Variants in SPATS2 observed in about 807,000 individuals in gnomAD.
SPATS2 encodes the protein spermatogenesis associated serine rich 2.
In SPATS2, 38 loss-of-function variants were observed where a neutral mutation model predicts 63.7. The ratio of observed to expected loss-of-function variants is 0.60; its 90% CI spans 0.46 to 0.78. The LOEUF is 0.78. SPATS2 is among the 30% of genes least tolerant of loss of function. The pLI is 0.00. For synonymous variants in SPATS2, 207 were observed against 232.9 expected, an observed-to-expected ratio of 0.89 and a Z score of 1.01; for missense variants, 588 against 666.2, an observed-to-expected ratio of 0.88 and a Z score of 1.29.
intron 4 of SPATS2, 123 bp downstream of exon 4, chr12:49,484,792 A>G: frequency 2.5e-6 from 2 of 788,398 alleles, no homozygotes; most frequent in Non-Finnish European, 4.1e-6. Flanking sequence ...CAATGCCACT[A>G]TATATCAGAG....
intron 9 of SPATS2, chr12:49,512,978 T>G: frequency 8.2e-7 from 1 of 1,224,052 alleles, no homozygotes; most frequent in Non-Finnish European, 1.1e-6. Context: ...TTTGATGCTT[T>G]TGGATTAATA....
At chr12:49,480,340 T>C (rs1056809978) in intron 3 of SPATS2, among the ~76,000 whole-genome samples, 1 of 152,228 alleles carries the variant, frequency 6.6e-6, no homozygotes, top group Non-Finnish European at 1.5e-5. Context: ...CATACCTCTT[T>C]AGATAGCACC....
At chr12:49,414,935 C>CTTTTT (rs199648430) in intron 2 of SPATS2, among the ~76,000 whole-genome samples, 10 of 135,914 alleles carry the variant, frequency 7.4e-5, no homozygotes, top group African/African-American at 1.5e-4. Flanking sequence ...TTTTCTTTTT[C>CTTTTT]TTTTCTTTTT....
At chr12:49,451,775 TC>T in intron 2 of SPATS2, among the ~76,000 whole-genome samples, 1 of 152,346 alleles carries the variant, frequency 6.6e-6, no homozygotes, top group East Asian at 1.9e-4. Context: ...TTGAGAGACT[TC>T]CTTTGGAATT....
intron 2 of SPATS2, among the ~76,000 whole-genome samples, chr12:49,391,588 T>C (rs1184169769): frequency 1.2e-5 from 1 of 85,136 alleles, no homozygotes; most frequent in African/African-American, 2.8e-5. Flanking sequence ...TATGGAAATG[T>C]GCTTTAACAT....
chr12:49,429,662 G>T (rs1028760619), intron 2 of SPATS2, among the ~76,000 whole-genome samples: 3 of 151,900 alleles, frequency 2.0e-5, no homozygotes, highest in African/African-American at 7.3e-5. Context: ...CACCATGTTG[G>T]CCAGGCTGGT....
chr12:49,490,547 C>A, intron 5 of SPATS2, 135 bp from the exon 6 acceptor site: 1 of 795,642 alleles, frequency 1.3e-6, no homozygotes, highest in Non-Finnish European at 2.1e-6. Context: ...TACTTTAGAC[C>A]TGATCCTTAA....
rs562576135 is a variant in SPATS2, at chr12:49,399,960, C to T, written c.-244+28670C>T. On this transcript the variant is annotated intron_variant, in intron 2 of 13. Coordinates refer to ENST00000552918, the MANE Select transcript of SPATS2 (RefSeq NM_023071.4). ...CTGAGGCAGGAGAATGGCGTGAACC[C>T]GGGAGGCGGAGCTTGCAGTGAGCAG... is the stretch of plus-strand genomic sequence containing the variant. Among the ~76,000 whole-genome samples the T allele has an allele frequency of 2.3e-4, 35 of 152,194 alleles. 1 individual carries two copies. The highest frequency in any genetic ancestry group is 7.0e-4 in the African/African-American group (29 of 41,534).
At chr12:49,521,123 T>C (rs1946934732) in intron 11 of SPATS2, among the ~76,000 whole-genome samples, 1 of 152,238 alleles carries the variant, frequency 6.6e-6, no homozygotes. Flanking sequence ...AAATAATTGC[T>C]TATAAACTGC....
intron 2 of SPATS2, among the ~76,000 whole-genome samples, chr12:49,436,449 C>T (rs1373851035): frequency 7.1e-6 from 1 of 140,940 alleles, no homozygotes; most frequent in African/African-American, 2.7e-5. Context: ...GGCAGAGGGG[C>T]TCCTCACTTC....
At chr12:49,446,536 ATTC>A (rs1437594442) in intron 2 of SPATS2, among the ~76,000 whole-genome samples, 6 of 152,104 alleles carry the variant, frequency 3.9e-5, no homozygotes, top group African/African-American at 1.2e-4. Flanking sequence ...TTGGCCTGGG[ATTC>A]TTCTCAGCTT....
chr12:49,409,368 C>T (rs1391378506), intron 2 of SPATS2, among the ~76,000 whole-genome samples: 4 of 151,892 alleles, frequency 2.6e-5, no homozygotes, highest in South Asian at 2.1e-4. Context: ...TGCAGTGTCA[C>T]GATCTCGGCT....
intron 2 of SPATS2, among the ~76,000 whole-genome samples, chr12:49,391,186 G>A (rs538319517): frequency 1.3e-5 from 2 of 152,280 alleles, no homozygotes; most frequent in South Asian, 4.1e-4. Flanking sequence ...GGTAATCTGT[G>A]GATTTAGAAG....
intron 2 of SPATS2, among the ~76,000 whole-genome samples, chr12:49,397,793 G>A (rs1453317965): frequency 7.0e-6 from 1 of 142,806 alleles, no homozygotes; most frequent in Non-Finnish European, 1.5e-5. Flanking sequence ...TGGTGTCATT[G>A]CATTCCAGCC....
intron 9 of SPATS2, among the ~76,000 whole-genome samples, chr12:49,507,440 G>A (rs923856568): frequency 6.6e-6 from 1 of 152,186 alleles, no homozygotes; most frequent in African/African-American, 2.4e-5. Flanking sequence ...AAAGTAGCGA[G>A]GGATGAAGTC....
chr12:49,475,815 G>A (rs142517819), intron 3 of SPATS2, among the ~76,000 whole-genome samples: 1 of 152,222 alleles, frequency 6.6e-6, no homozygotes, highest in Non-Finnish European at 1.5e-5. Flanking sequence ...ATTTCATTTC[G>A]TATGTAGGAA....
At chr12:49,432,126 C>T (rs1945195725) in intron 2 of SPATS2, among the ~76,000 whole-genome samples, 1 of 152,196 alleles carries the variant, frequency 6.6e-6, no homozygotes, top group Non-Finnish European at 1.5e-5. Flanking sequence ...TTTGTCCACA[C>T]CTCAGTACCT....
At chr12:49,469,556 A>G (rs560058302) in intron 3 of SPATS2, 130 of 431,926 alleles carry the variant, frequency 3.0e-4, no homozygotes, top group African/African-American at 2.5e-3. Flanking sequence ...AAAAAAAAAA[A>G]AAAAAAAAGA....
intron 2 of SPATS2, among the ~76,000 whole-genome samples, chr12:49,457,122 C>A (rs889726504): frequency 1.3e-5 from 2 of 151,760 alleles, no homozygotes; most frequent in Non-Finnish European, 2.9e-5. Flanking sequence ...AATTCAAATT[C>A]TTATTTGAAA....
Sources: gnomAD v4.1 joint callset for allele counts (sites outside exome capture counted in the v4.1 genomes callset) on GRCh38, gnomAD v4.1.1 for gene constraint, MANE v1.5 for transcripts, NCBI Gene and HGNC (gene_info 2026-07-23, HGNC 2026-07-21) for gene names.